The following CCM2 variants were observed in gnomAD, a reference collection of about 807,000 sequenced individuals.
The protein encoded by CCM2 is CCM2 scaffold protein.
CCM2 carries 25 observed loss-of-function variants against 44.9 expected under a neutral mutation model. The ratio of observed to expected loss-of-function variants is 0.56; its 90% CI spans 0.41 to 0.78. CCM2 has a LOEUF of 0.78. Among genes scored for constraint, CCM2 ranks in the 30% least tolerant of loss-of-function variants. The pLI, the probability that CCM2 is intolerant of heterozygous loss-of-function variation, is 0.00. For synonymous variants in CCM2, 219 were observed against 241.1 expected (o/e 0.91, Z 0.85); for missense variants, 481 against 580.6 (o/e 0.83, Z 1.76).
intron 1 of CCM2, among the ~76,000 whole-genome samples, chr7:45,022,468 G>A (rs565075476): frequency 2.0e-5 from 3 of 151,050 alleles, no homozygotes; most frequent in Non-Finnish European, 3.0e-5. Context: ...CACCGTGCCC[G>A]GCTAATTTTT....
rs983914121 is a variant in CCM2 at position 45,074,419 on chromosome 7, C to T, written c.1054+11C>T. On this transcript the variant is annotated intron_variant, in intron 9 of 9. Coordinates refer to ENST00000258781, the MANE Select transcript of CCM2 (RefSeq NM_031443.4). ...AGTTCCTGCTGCTTGGTGAGTGGGC[C>T]CTGGAAAGAGGGTGGCTTGTCCAAA... The T allele has an allele frequency of 4.3e-6, 7 of 1,610,336 alleles. No individual in the cohort carries two copies. Among genetic ancestry groups the T allele is most frequent in the African/African-American group, 4.0e-5 (3 of 74,814 alleles).
chr7:45,024,873 T>G (rs1796621043), intron 1 of CCM2, among the ~76,000 whole-genome samples: 1 of 152,218 alleles, frequency 6.6e-6, no homozygotes, highest in Admixed American at 6.5e-5. Flanking sequence ...TCTCTTACAT[T>G]CAGCCTACTT....
intron 1 of CCM2, among the ~76,000 whole-genome samples, chr7:45,025,816 G>T (rs1047148952): frequency 2.6e-5 from 4 of 152,300 alleles, no homozygotes; most frequent in African/African-American, 9.6e-5. Flanking sequence ...TTACAGGCGG[G>T]AGCCACTGCA....
rs139843256 is a variant in CCM2, at chr7:45,003,490, T to G, written c.30+3127T>G. Among the ~76,000 whole-genome samples, 238 of 152,090 alleles carry G rather than the reference T, an allele frequency of 1.6e-3. 1 individual carries two copies. The highest frequency in any genetic ancestry group is 5.3e-3 in the African/African-American group (218 of 41,516). On this transcript the variant is annotated intron_variant, in intron 1 of 9. Coordinates refer to ENST00000258781, the MANE Select transcript of CCM2 (RefSeq NM_031443.4). ...TTGGGTGTAGGTAATCCTAACACTT[T>G]GGGAGGCCGAAGCAGGCGGATCACT...
At chr7:45,069,713 A>G in intron 5 of CCM2, 113 bp from the exon 6 acceptor site, 1 of 1,350,208 alleles carries the variant, frequency 7.4e-7, no homozygotes, top group Non-Finnish European at 1.0e-6. Context: ...TCTGGTATCC[A>G]CTCTTCATTC....
intron 1 of CCM2, chr7:45,029,520 A>G (rs749569810): frequency 6.6e-6 from 1 of 152,272 alleles, no homozygotes; most frequent in African/African-American, 2.4e-5. Flanking sequence ...GTATAGCCAT[A>G]CTATTTACTT....
At chr7:45,038,099 G>A (rs1583901445) in intron 1 of CCM2, among the ~76,000 whole-genome samples, 154 bp from the exon 2 acceptor site, 1 of 152,328 alleles carries the variant, frequency 6.6e-6, no homozygotes, top group South Asian at 2.1e-4. Context: ...AGGCTTGTGT[G>A]CTGTTGGTAC....
At chr7:45,069,779 G>A (rs772744146) in intron 5 of CCM2, 47 bp from the exon 6 acceptor site, 21 of 1,611,774 alleles carry the variant, frequency 1.3e-5, no homozygotes, top group Admixed American at 1.0e-4. Flanking sequence ...CTGGGAAGGC[G>A]CAGTCTCCAG....
chr7:45,027,669 G>A, intron 1 of CCM2: 1 of 1,613,988 alleles, frequency 6.2e-7, no homozygotes, highest in Non-Finnish European at 8.5e-7. Flanking sequence ...CTAACATCTG[G>A]CCATATTTTT....
chr7:45,023,042 G>T (rs77761656), intron 1 of CCM2, among the ~76,000 whole-genome samples: 1,552 of 152,036 alleles, frequency 0.01, 24 homozygotes, highest in African/African-American at 0.036. Flanking sequence ...CACCCTGCAA[G>T]TCTGGGCTTT....
intron 1 of CCM2, among the ~76,000 whole-genome samples, chr7:45,020,003 T>C (rs1275440186): frequency 6.6e-6 from 1 of 152,172 alleles, no homozygotes; most frequent in East Asian, 1.9e-4. Flanking sequence ...TTTGGGTTCC[T>C]TTTTTAGTGG....
chr7:45,035,393 T>C (rs1366531727), intron 1 of CCM2, among the ~76,000 whole-genome samples: 1 of 152,202 alleles, frequency 6.6e-6, no homozygotes, highest in Admixed American at 6.5e-5. Flanking sequence ...TTAGTCATCC[T>C]TACTCCATGC....
At chr7:45,033,417 T>C (rs533593859) in intron 1 of CCM2, among the ~76,000 whole-genome samples, 210 of 152,358 alleles carry the variant, frequency 1.4e-3, no homozygotes, top group African/African-American at 4.7e-3. Context: ...GCAAATCTCC[T>C]GTCTCAGAGT....
chr7:45,000,357 CAAG>C lies in CCM2; in HGVS notation c.28_30del (p.Lys10del). On this transcript the variant is annotated inframe_deletion, in exon 1 of 10. Coordinates refer to ENST00000258781, the MANE Select transcript of CCM2 (RefSeq NM_031443.4). ...ATATGGAAGAGGAGGGCAAGAAGGG[CAAG>C]AAGGTGAGCGTGCGCGGGGGCGTCC... 1 of 1,303,834 alleles carries C rather than the reference CAAG, an allele frequency of 7.7e-7. No homozygotes were observed. The highest frequency in any genetic ancestry group is 9.8e-7 in the Non-Finnish European group (1 of 1,018,190). The allele number at this position is 1,303,834 out of a possible 1,614,324, so 80.8% of individuals were successfully genotyped here.
intron 1 of CCM2, among the ~76,000 whole-genome samples, chr7:45,030,480 A>C (rs553460213): frequency 3.3e-4 from 50 of 152,312 alleles, no homozygotes; most frequent in African/African-American, 1.2e-3. Flanking sequence ...TCTGTTTCCT[A>C]GGCTGGGTGC....
At chr7:45,034,131 A>G (rs1031366732) in intron 1 of CCM2, among the ~76,000 whole-genome samples, 101 of 152,212 alleles carry the variant, frequency 6.6e-4, no homozygotes, top group African/African-American at 2.1e-3. Context: ...CACTGCTGTC[A>G]TAGAGCCAGG....
chr7:45,010,100 G>A (rs139902510), intron 1 of CCM2, among the ~76,000 whole-genome samples: 2 of 152,058 alleles, frequency 1.3e-5, no homozygotes, highest in East Asian at 1.9e-4. Context: ...TTGTAGAGAC[G>A]AGGTCTCACT....
Position 45,076,403 on chromosome 7 carries a change from G to T in CCM2, c.*346G>T, listed in dbSNP as rs979638787. 86 of 449,334 alleles carry T rather than the reference G, an allele frequency of 1.9e-4. No homozygotes were observed. The highest frequency in any genetic ancestry group is 9.7e-5 in the Non-Finnish European group (23 of 237,754). 27.8% of individuals were successfully genotyped at this position (449,334 alleles called of 1,614,324 possible). A position where few individuals can be genotyped will look rare whatever the true frequency, so the allele number is the denominator to read the frequency against. On this transcript the variant is annotated 3_prime_UTR_variant, in exon 10 of 10. Coordinates refer to ENST00000258781, the MANE Select transcript of CCM2 (RefSeq NM_031443.4). ...CAGTTTTGCACATGATGTTCCTATT[G>T]TAACTCTCAGAGACCTTAAAAAGAA...
intron 2 of CCM2, among the ~76,000 whole-genome samples, chr7:45,041,549 C>T (rs1797500972): frequency 6.6e-6 from 1 of 152,180 alleles, no homozygotes; most frequent in Non-Finnish European, 1.5e-5. Flanking sequence ...AGACAGAACC[C>T]CCTGCCAAAG....
Sources: allele counts gnomAD v4.1 joint callset (sites outside exome capture counted in the v4.1 genomes callset), GRCh38; gene constraint gnomAD v4.1.1; transcripts MANE v1.5; gene names NCBI Gene and HGNC (gene_info 2026-07-23, HGNC 2026-07-21).